ZNF423: variants seen among roughly 807,000 people sequenced by gnomAD.
The protein encoded by ZNF423 is zinc finger protein 423, also known as Ebf-associated zinc finger protein.
Under a neutral mutation model 95.8 loss-of-function variants are expected in ZNF423, and 12 were observed. That is an observed-to-expected ratio of 0.13 (90% CI 0.08 to 0.20). The LOEUF is 0.20. ZNF423 is among the 10% of genes least tolerant of loss of function. The probability of loss-of-function intolerance (pLI) is 1.00; values close to 1 mark genes in which losing one functional copy is unlikely to be tolerated. For synonymous variants in ZNF423, 749 were observed against 711.9 expected (o/e 1.05, Z -0.83); for missense variants, 1,316 against 1,737.1 (o/e 0.76, Z 4.31).
At chr16:49,503,845 G>A (rs1412412827) in intron 7 of ZNF423, among the ~76,000 whole-genome samples, 3 of 152,190 alleles carry the variant, frequency 2.0e-5, no homozygotes, top group Non-Finnish European at 2.9e-5. Context: ...CTGTAGCAAA[G>A]CCAGGCCTCC....
intron 1 of ZNF423, among the ~76,000 whole-genome samples, chr16:49,824,178 C>T (rs1003960467): frequency 4.6e-5 from 7 of 152,070 alleles, no homozygotes; most frequent in African/African-American, 1.7e-4. Flanking sequence ...AAATTATTCC[C>T]TATCATGCTT....
chr16:49,571,158 G>A (rs925455997), intron 5 of ZNF423, among the ~76,000 whole-genome samples: 1 of 152,018 alleles, frequency 6.6e-6, no homozygotes, highest in African/African-American at 2.4e-5. Flanking sequence ...ATAGTGTGCC[G>A]TCCATTTATT....
chr16:49,730,068 G>C (rs918795514), intron 3 of ZNF423, among the ~76,000 whole-genome samples: 3 of 152,086 alleles, frequency 2.0e-5, no homozygotes, highest in African/African-American at 7.2e-5. Context: ...CATCCCTGTA[G>C]CATGGCTTCC....
At chr16:49,491,403 C>A (rs995216949) in intron 7 of ZNF423, 99 bp from the exon 8 acceptor site, 3 of 1,463,488 alleles carry the variant, frequency 2.0e-6, no homozygotes, top group Non-Finnish European at 2.9e-6. Flanking sequence ...CGCAGAAAAG[C>A]GTCTCGATTA....
intron 3 of ZNF423, among the ~76,000 whole-genome samples, chr16:49,656,020 C>G (rs112018471): frequency 3.3e-5 from 5 of 152,072 alleles, no homozygotes; most frequent in Admixed American, 1.3e-4. Flanking sequence ...CTCCCACCCC[C>G]ACCCTGGCTA....
At chr16:49,502,413 C>T (rs368558483) in intron 7 of ZNF423, among the ~76,000 whole-genome samples, 8 of 152,198 alleles carry the variant, frequency 5.3e-5, no homozygotes, top group South Asian at 2.1e-4. Context: ...TTTCTGGGTG[C>T]GCCAGGTGCT....
intron 5 of ZNF423, among the ~76,000 whole-genome samples, chr16:49,619,470 C>T (rs1190896661): frequency 2.6e-5 from 4 of 152,052 alleles, no homozygotes; most frequent in Admixed American, 1.3e-4. Flanking sequence ...ACAGCTTCCT[C>T]GAATGAACCA....
intron 5 of ZNF423, among the ~76,000 whole-genome samples, chr16:49,527,929 T>C (rs1968678224): frequency 6.6e-6 from 1 of 152,036 alleles, no homozygotes; most frequent in Non-Finnish European, 1.5e-5. Flanking sequence ...CACGTGTGCA[T>C]GCACACACAC....
intron 3 of ZNF423, among the ~76,000 whole-genome samples, chr16:49,674,702 G>A (rs1334860931): frequency 6.6e-6 from 1 of 152,248 alleles, no homozygotes; most frequent in Non-Finnish European, 1.5e-5. Context: ...CTGTGCAGAG[G>A]GGCGGAACGG....
chr16:49,549,455 A>G (rs1330682822), intron 5 of ZNF423, among the ~76,000 whole-genome samples: 1 of 152,162 alleles, frequency 6.6e-6, no homozygotes. Context: ...TCCCCACATC[A>G]GCTGCAGCTC....
Position 49,802,578 on chromosome 16 carries a change from T to G in ZNF423, c.41-13032A>C, listed in dbSNP as rs563641890. On this transcript the variant is annotated intron_variant, in intron 1 of 7. Transcript: ENST00000563137. ...AGCGCACCATGGGACAAAGGCACAG[T>G]GTCACAGGAGGAGGAGGAAGGAGAG... Among the ~76,000 whole-genome samples, 3 of 152,302 alleles carry G rather than the reference T, an allele frequency of 2.0e-5. No individual in the cohort carries two copies. In the South Asian group the frequency reaches 6.2e-4, roughly 32 times the overall value.
intron 3 of ZNF423, among the ~76,000 whole-genome samples, chr16:49,663,270 A>C (rs970476839): frequency 1.3e-5 from 2 of 152,204 alleles, no homozygotes; most frequent in African/African-American, 4.8e-5. Context: ...GTAATTGCAG[A>C]ACCTAAGTTT....
intron 7 of ZNF423, among the ~76,000 whole-genome samples, chr16:49,494,136 G>A (rs1440370134): frequency 2.0e-5 from 3 of 152,178 alleles, no homozygotes; most frequent in Non-Finnish European, 4.4e-5. Context: ...ATGAAGGCTG[G>A]AACCCACACC....
intron 3 of ZNF423, among the ~76,000 whole-genome samples, chr16:49,655,944 GGTTTT>G (rs1485811012): frequency 6.6e-6 from 1 of 152,132 alleles, no homozygotes; most frequent in Admixed American, 6.5e-5. Flanking sequence ...ACTCCAGTGG[GGTTTT>G]GTTCATCGGG....
intron 2 of ZNF423, among the ~76,000 whole-genome samples, chr16:49,742,379 T>A (rs6500248): frequency 0.75 from 114,340 of 151,984 alleles, 43,564 homozygotes; most frequent in African/African-American, 0.88. Flanking sequence ...AAAATAAACC[T>A]CAAACACCCC....
At chr16:49,538,557 C>T (rs569868818) in intron 5 of ZNF423, among the ~76,000 whole-genome samples, 1 of 152,308 alleles carries the variant, frequency 6.6e-6, no homozygotes, top group South Asian at 2.1e-4. Context: ...GCTCAAGAAC[C>T]TGCAGTGGCT....
At chr16:49,840,714 C>T (rs2035173927) in intron 1 of ZNF423, among the ~76,000 whole-genome samples, 1 of 152,006 alleles carries the variant, frequency 6.6e-6, no homozygotes, top group Non-Finnish European at 1.5e-5. Flanking sequence ...CGCATGCATC[C>T]ACATGCACAC....
chr16:49,680,587 G>A (rs545592012), intron 3 of ZNF423, among the ~76,000 whole-genome samples: 21 of 152,252 alleles, frequency 1.4e-4, no homozygotes, highest in Admixed American at 2.0e-4. Flanking sequence ...CCAAGCTTCC[G>A]GACACCACTG....
chr16:49,606,836 G>T (rs912239083), intron 5 of ZNF423, among the ~76,000 whole-genome samples: 2 of 152,060 alleles, frequency 1.3e-5, no homozygotes, highest in Non-Finnish European at 2.9e-5. Flanking sequence ...CTGAAACAAG[G>T]CCTCCCAAGT....
Sources: allele counts gnomAD v4.1 joint callset (sites outside exome capture counted in the v4.1 genomes callset), GRCh38; gene constraint gnomAD v4.1.1; transcripts MANE v1.5; gene names NCBI Gene and HGNC (gene_info 2026-07-23, HGNC 2026-07-21).